Variants in ATP8A2 observed in about 807,000 individuals in gnomAD.
The protein encoded by ATP8A2 is ATPase phospholipid transporting 8A2, also known as phospholipid-transporting ATPase IB.
Under a neutral mutation model 165.6 loss-of-function variants are expected in ATP8A2, and 100 were observed. The observed-to-expected ratio is 0.60, with a 90% CI of 0.51 to 0.71. The LOEUF (loss-of-function observed/expected upper bound fraction) is 0.71. ATP8A2 is among the 30% of genes least tolerant of loss of function. The probability of loss-of-function intolerance (pLI) is 0.00; values close to 1 mark genes in which losing one functional copy is unlikely to be tolerated. For synonymous variants in ATP8A2, 543 were observed against 548.8 expected, an observed-to-expected ratio of 0.99 and a Z score of 0.15; for missense variants, 1,227 against 1,479.5, an observed-to-expected ratio of 0.83 and a Z score of 2.80.
chr13:25,738,346 C>G (rs961638356), intron 25 of ATP8A2, among the ~76,000 whole-genome samples: 15 of 131,652 alleles, frequency 1.1e-4, no homozygotes, highest in Admixed American at 3.1e-4. Context: ...CCCCTCCCCC[C>G]CCCCCACACA....
chr13:25,936,331 T>C (rs747422577), intron 33 of ATP8A2, among the ~76,000 whole-genome samples: 2 of 152,152 alleles, frequency 1.3e-5, no homozygotes, highest in Non-Finnish European at 2.9e-5. Flanking sequence ...TGTTGGGGAT[T>C]ATAGGGAAGG....
intron 35 of ATP8A2, among the ~76,000 whole-genome samples, chr13:26,003,476 G>A (rs907746120): frequency 1.3e-5 from 2 of 151,954 alleles, no homozygotes; most frequent in African/African-American, 4.8e-5. Context: ...TCTTTAGGTT[G>A]TCTCTTCACT....
intron 33 of ATP8A2, among the ~76,000 whole-genome samples, chr13:25,947,973 TAATTAAAATAG>T (rs923267282): frequency 6.6e-6 from 1 of 152,122 alleles, no homozygotes; most frequent in Non-Finnish European, 1.5e-5. Context: ...CTGCACCTAT[TAATTAAAATAG>T]AAGACACCCA....
chr13:25,902,121 A>G (rs1953769905), intron 33 of ATP8A2, among the ~76,000 whole-genome samples: 1 of 152,208 alleles, frequency 6.6e-6, no homozygotes, highest in Non-Finnish European at 1.5e-5. Flanking sequence ...AGGACAATGA[A>G]AAAGTTCACT....
intron 35 of ATP8A2, among the ~76,000 whole-genome samples, chr13:25,989,550 T>C (rs2139284698): frequency 6.6e-6 from 1 of 152,362 alleles, no homozygotes; most frequent in East Asian, 1.9e-4. Context: ...GTATTGTACA[T>C]GATAAAGCTA....
intron 1 of ATP8A2, among the ~76,000 whole-genome samples, chr13:25,379,915 G>A (rs945568352): frequency 6.6e-6 from 1 of 152,096 alleles, no homozygotes; most frequent in Non-Finnish European, 1.5e-5. Flanking sequence ...TATTCAACTC[G>A]ATTGAACTCT....
At chr13:25,712,587 T>C (rs1245699090) in intron 25 of ATP8A2, among the ~76,000 whole-genome samples, 2 of 152,190 alleles carry the variant, frequency 1.3e-5, no homozygotes, top group African/African-American at 4.8e-5. Flanking sequence ...GTGGATTTGC[T>C]GAAACCATAA....
chr13:25,417,755 G>A (rs983656300), intron 1 of ATP8A2, among the ~76,000 whole-genome samples: 1 of 152,226 alleles, frequency 6.6e-6, no homozygotes, highest in Non-Finnish European at 1.5e-5. Context: ...TGCTGGCTGT[G>A]CCTCTGTGCT....
chr13:25,912,370 G>A (rs1050339653), intron 33 of ATP8A2, among the ~76,000 whole-genome samples: 13 of 152,214 alleles, frequency 8.5e-5, no homozygotes, highest in Non-Finnish European at 1.5e-5. Context: ...GGAGTAGAAT[G>A]GAGGTTATCA....
chr13:25,634,939 A>C (rs1369822194), intron 24 of ATP8A2, among the ~76,000 whole-genome samples: 2 of 151,538 alleles, frequency 1.3e-5, no homozygotes, highest in Non-Finnish European at 2.9e-5. Flanking sequence ...ATTAGCAAGC[A>C]CTTTTTTTTG....
intron 2 of ATP8A2, among the ~76,000 whole-genome samples, chr13:25,489,656 G>A (rs1165489879): frequency 2.6e-5 from 4 of 152,218 alleles, no homozygotes; most frequent in East Asian, 1.9e-4. Flanking sequence ...CTCTGCAAGC[G>A]AAGGTCAGAA....
At chr13:25,781,268 C>G (rs1322045356) in intron 27 of ATP8A2, among the ~76,000 whole-genome samples, 1 of 144,586 alleles carries the variant, frequency 6.9e-6, no homozygotes, top group Non-Finnish European at 1.5e-5. Context: ...GACTGCGTCT[C>G]AAAAAAAAAA....
chr13:25,636,031 G>C (rs2041359545), intron 24 of ATP8A2, among the ~76,000 whole-genome samples: 1 of 152,128 alleles, frequency 6.6e-6, no homozygotes, highest in Non-Finnish European at 1.5e-5. Flanking sequence ...TGAGTATGGG[G>C]GGAAGAGGTG....
intron 1 of ATP8A2, among the ~76,000 whole-genome samples, chr13:25,385,896 T>C (rs2033023168): frequency 6.6e-6 from 1 of 152,008 alleles, no homozygotes; most frequent in African/African-American, 2.4e-5. Context: ...TCTCCCTGTG[T>C]TGCCCAGACT....
Position 25,699,025 on chromosome 13 carries a change from T to A in ATP8A2, c.2212-148T>A, listed in dbSNP as rs2042893589. ...CCCAGAGGGCATTGCATTGAAATTT[T>A]AATGTATAAATGTGCAAAGCTGAAC... is the stretch of plus-strand genomic sequence containing the variant. On this transcript the variant is annotated intron_variant, in intron 24 of 36. Coordinates refer to ENST00000381655, the MANE Select transcript of ATP8A2 (RefSeq NM_016529.6). The A allele has an allele frequency of 7.0e-6, 4 of 571,754 alleles. No individual in the cohort carries two copies. In the South Asian group the frequency reaches 1.7e-4, roughly 24 times the overall value. 35.4% of individuals were successfully genotyped at this position (571,754 alleles called of 1,614,324 possible).
At chr13:25,570,658 C>G (rs1397505495) in intron 16 of ATP8A2, 109 bp from the exon 17 acceptor site, 1 of 870,858 alleles carries the variant, frequency 1.1e-6, no homozygotes, top group African/African-American at 1.7e-5. Context: ...CTACCCTGTC[C>G]TACAGGGAGC....
In ATP8A2 at chr13:25,574,828, C is replaced by A; in HGVS notation, c.1683C>A (p.Phe561Leu). The change falls in exon 19 of 37, where the codon TTC becomes TTA. Residue 561 changes from phenylalanine to leucine, a missense_variant. Transcript: ENST00000381655. The part of the protein sequence containing the change: ...IIEAMGQEQT[F>L]GILNVLEFSS... ...TTTAGATGGGACAGGAACAAACATTCGGAATCCTTAATGTCCTGGAATTTT... is the reference window on the plus strand; with the variant it reads ...TTTAGATGGGACAGGAACAAACATTAGGAATCCTTAATGTCCTGGAATTTT... The A allele has an allele frequency of 6.4e-7, 1 of 1,558,102 alleles. No individual in the cohort carries two copies. The highest frequency in any genetic ancestry group is 8.8e-7 in the Non-Finnish European group (1 of 1,130,952).
At chr13:25,914,013 G>A (rs1309619636) in intron 33 of ATP8A2, among the ~76,000 whole-genome samples, 1 of 152,108 alleles carries the variant, frequency 6.6e-6, no homozygotes, top group Non-Finnish European at 1.5e-5. Context: ...CTCAGCATTA[G>A]ACCAAAAGAC....
intron 2 of ATP8A2, among the ~76,000 whole-genome samples, chr13:25,490,726 GTTTT>G (rs61044184): frequency 1.9e-4 from 29 of 149,898 alleles, no homozygotes; most frequent in African/African-American, 7.2e-4. Context: ...TAGTTTTTTT[GTTTT>G]TTTTTTGTTT....
Sources: gnomAD v4.1 joint callset for allele counts (sites outside exome capture counted in the v4.1 genomes callset) on GRCh38, gnomAD v4.1.1 for gene constraint, MANE v1.5 for transcripts, NCBI Gene and HGNC (gene_info 2026-07-23, HGNC 2026-07-21) for gene names.